The following EYS variants were observed in gnomAD, a reference collection of about 807,000 sequenced individuals.
EYS encodes EGF-like photoreceptor maintenance factor.
In EYS, 250 loss-of-function variants were observed where a neutral mutation model predicts 282.1. The ratio of observed to expected loss-of-function variants is 0.89; its 90% CI spans 0.80 to 0.98. The LOEUF (loss-of-function observed/expected upper bound fraction) is 0.98, where lower values mean the gene tolerates loss of function less well. EYS is among the 50% of genes least tolerant of loss of function. EYS has a pLI of 0.00. For missense variants in EYS, 4,016 were observed against 3,709.0 expected, an observed-to-expected ratio of 1.08 and a Z score of -2.15; for synonymous variants, 1,355 against 1,282.9, an observed-to-expected ratio of 1.06 and a Z score of -1.20.
At chr6:64,820,157 CTT>C (rs956741557) in intron 21 of EYS, among the ~76,000 whole-genome samples, 8 of 151,898 alleles carry the variant, frequency 5.3e-5, no homozygotes, top group Admixed American at 2.6e-4. Flanking sequence ...AATCAGGACT[CTT>C]TGCATTTTAA....
intron 1 of EYS, among the ~76,000 whole-genome samples, chr6:65,682,674 A>G (rs1768876072): frequency 6.6e-6 from 1 of 151,932 alleles, no homozygotes; most frequent in Non-Finnish European, 1.5e-5. Context: ...CGGGAGCTCC[A>G]ATATAGCAGC....
intron 31 of EYS, among the ~76,000 whole-genome samples, chr6:64,146,659 G>A (rs1026694448): frequency 6.6e-6 from 1 of 152,048 alleles, no homozygotes; most frequent in Admixed American, 6.6e-5. Context: ...AATAATAGAA[G>A]GCTGGGACAT....
At chr6:65,634,971 C>A (rs962110475) in intron 2 of EYS, among the ~76,000 whole-genome samples, 1 of 152,190 alleles carries the variant, frequency 6.6e-6, no homozygotes, top group African/African-American at 2.4e-5. Flanking sequence ...GCCTTCATCA[C>A]AGACAGAAGC....
At chr6:64,197,902 GAC>G in intron 31 of EYS, among the ~76,000 whole-genome samples, 1 of 151,384 alleles carries the variant, frequency 6.6e-6, no homozygotes, top group African/African-American at 2.4e-5. Context: ...TATATACATT[GAC>G]TCTAATGACT....
At chr6:64,714,091 A>G (rs1043302042) in intron 22 of EYS, among the ~76,000 whole-genome samples, 1 of 152,212 alleles carries the variant, frequency 6.6e-6, no homozygotes, top group Non-Finnish European at 1.5e-5. Flanking sequence ...AATTGTAGAG[A>G]TCTTTGAGAG....
chr6:64,402,146 T>A (rs763994883), intron 28 of EYS, among the ~76,000 whole-genome samples: 2 of 152,158 alleles, frequency 1.3e-5, no homozygotes, highest in Non-Finnish European at 2.9e-5. Flanking sequence ...TTATCTAAGA[T>A]CCACCTATTA....
intron 29 of EYS, among the ~76,000 whole-genome samples, chr6:64,315,759 A>G (rs1199721437): frequency 6.6e-6 from 1 of 151,760 alleles, no homozygotes; most frequent in Non-Finnish European, 1.5e-5. Context: ...GCAGAGACAC[A>G]TACACAAAAA....
intron 26 of EYS, among the ~76,000 whole-genome samples, chr6:64,463,618 C>T (rs1259896417): frequency 1.3e-5 from 2 of 151,982 alleles, no homozygotes; most frequent in Non-Finnish European, 2.9e-5. Flanking sequence ...CAATTAGATG[C>T]ATAACTTAGT....
intron 16 of EYS, among the ~76,000 whole-genome samples, chr6:64,907,177 C>T (rs1051648192): frequency 1.3e-5 from 2 of 152,112 alleles, no homozygotes; most frequent in Non-Finnish European, 2.9e-5. Flanking sequence ...CTTTAGCCTC[C>T]TGAACAGTTA....
intron 16 of EYS, among the ~76,000 whole-genome samples, chr6:64,910,631 G>C (rs1351958152): frequency 2.0e-5 from 3 of 151,802 alleles, no homozygotes; most frequent in African/African-American, 7.3e-5. Flanking sequence ...AAAATACTAA[G>C]GGGAAATAAG....
chr6:64,102,788 AAT>A lies in EYS; in HGVS notation c.6425-20788_6425-20787del, dbSNP rs778010710. ...AAAAGCGACATTACCAAAGTAAAATAATAGTTTCATATTGTAATATAATTTGA... is the reference window on the plus strand; with the variant it reads ...AAAAGCGACATTACCAAAGTAAAATAAGTTTCATATTGTAATATAATTTGA... On this transcript the variant is annotated intron_variant, in intron 31 of 42. Coordinates refer to ENST00000503581, the MANE Select transcript of EYS (RefSeq NM_001142800.2). 2.1e-3 allele frequency among the ~76,000 whole-genome samples: 314 copies of A among 152,316 alleles called. 1 individual carries two copies. The highest frequency in any genetic ancestry group is 2.4e-3 in the Non-Finnish European group (160 of 68,022).
At chr6:65,108,843 A>T (rs1006835707) in intron 12 of EYS, among the ~76,000 whole-genome samples, 13 of 152,146 alleles carry the variant, frequency 8.5e-5, no homozygotes, top group African/African-American at 3.1e-4. Context: ...TTTGAATAAC[A>T]TCTAACAATT....
chr6:64,380,484 T>A (rs966500304), intron 29 of EYS, among the ~76,000 whole-genome samples: 2 of 152,208 alleles, frequency 1.3e-5, no homozygotes, highest in African/African-American at 2.4e-5. Flanking sequence ...AGTAAAATAT[T>A]ACTATTTTAT....
At chr6:65,166,416 G>T (rs1246054389) in intron 12 of EYS, among the ~76,000 whole-genome samples, 1 of 151,138 alleles carries the variant, frequency 6.6e-6, no homozygotes, top group Non-Finnish European at 1.5e-5. Flanking sequence ...TGTGAATCCA[G>T]TTATATTTCC....
chr6:65,367,974 T>C (rs1764977787), intron 8 of EYS, among the ~76,000 whole-genome samples: 1 of 151,640 alleles, frequency 6.6e-6, no homozygotes, highest in South Asian at 2.1e-4. Context: ...TTATAAGGGA[T>C]AGAGATTTAA....
chr6:65,410,465 G>A lies in EYS; in HGVS notation c.863-5098C>T, dbSNP rs541730101. On this transcript the variant is annotated intron_variant, in intron 5 of 42. Transcript: ENST00000503581. ...CACCTTACTTAAGCATAGTCACTCT[G>A]TGCAATCAAACAGCAATACTTCTTC... Among the ~76,000 whole-genome samples, 22 of 151,950 alleles carry A rather than the reference G, an allele frequency of 1.4e-4. 1 individual carries two copies. The South Asian group carries it at 1.9e-3, about 13-fold the overall frequency.
intron 30 of EYS, among the ~76,000 whole-genome samples, chr6:64,281,200 G>T (rs1688440816): frequency 1.3e-5 from 2 of 151,876 alleles, no homozygotes; most frequent in African/African-American, 4.8e-5. Flanking sequence ...TGATCAGAAG[G>T]GTTTTGTATA....
chr6:64,469,076 G>T (rs1213455634), intron 26 of EYS, among the ~76,000 whole-genome samples: 1 of 152,134 alleles, frequency 6.6e-6, no homozygotes, highest in African/African-American at 2.4e-5. Context: ...TGCCAAACTG[G>T]TTTCCACAAT....
At chr6:64,237,747 TTAA>T (rs2150341583) in intron 30 of EYS, among the ~76,000 whole-genome samples, 1 of 152,326 alleles carries the variant, frequency 6.6e-6, no homozygotes, top group Non-Finnish European at 1.5e-5. Flanking sequence ...TTTAGTTTGA[TTAA>T]TAACTTTGAA....
Sources: gnomAD v4.1 joint callset for allele counts (sites outside exome capture counted in the v4.1 genomes callset) on GRCh38, gnomAD v4.1.1 for gene constraint, MANE v1.5 for transcripts, NCBI Gene and HGNC (gene_info 2026-07-23, HGNC 2026-07-21) for gene names.